ST6GALNAC5: variants seen among roughly 807,000 people sequenced by gnomAD.
ST6GALNAC5 encodes ST6 N-acetylgalactosaminide alpha-2,6-sialyltransferase 5.
Under a neutral mutation model 33.6 loss-of-function variants are expected in ST6GALNAC5, and 27 were observed. The observed-to-expected ratio is 0.80, with a 90% CI of 0.59 to 1.11. The LOEUF is 1.11. ST6GALNAC5 is among the 50% of genes least tolerant of loss of function. ST6GALNAC5 has a pLI of 0.00. For synonymous variants in ST6GALNAC5, 194 were observed against 171.2 expected (o/e 1.13, Z -1.04); for missense variants, 428 against 454.0 (o/e 0.94, Z 0.52).
rs144889712 is a variant in ST6GALNAC5 at position 76,905,954 on chromosome 1, G to A, written c.261+37212G>A. The stretch of plus-strand genomic sequence containing the variant: ...AAGATGGAGAAAGGTGCCTTCTATC[G>A]TGCTGTTGCTGAATTCCCTGCTCCA... On this transcript the variant is annotated intron_variant, in intron 2 of 4. Transcript: ENST00000477717. Among the ~76,000 whole-genome samples, 321 of 152,256 alleles carry A rather than the reference G, an allele frequency of 2.1e-3. 3 individuals are homozygous for A. Among genetic ancestry groups the A allele is most frequent in the Admixed American group, 5.4e-3 (82 of 15,288 alleles).
At chr1:77,043,533 C>T (rs1651901645) in intron 2 of ST6GALNAC5, among the ~76,000 whole-genome samples, 1 of 152,154 alleles carries the variant, frequency 6.6e-6, no homozygotes. Context: ...AGTTTCTCTC[C>T]CTCATCCGTT....
In ST6GALNAC5 at chr1:76,971,508, T is replaced by C. The variant is rs181770567; in HGVS notation, c.262-72696T>C. 3.0e-3 allele frequency among the ~76,000 whole-genome samples: 450 copies of C among 152,358 alleles called. 2 individuals are homozygous for C. The highest frequency in any genetic ancestry group is 9.8e-3 in the African/African-American group (407 of 41,586). ...TTTTCTATATTTATTAAGATGATTATATCACATGATTTTTCTCTTTTAATG... is the reference window on the plus strand; with the variant it reads ...TTTTCTATATTTATTAAGATGATTACATCACATGATTTTTCTCTTTTAATG... On this transcript the variant is annotated intron_variant, in intron 2 of 4. Coordinates refer to ENST00000477717, the MANE Select transcript of ST6GALNAC5 (RefSeq NM_030965.3).
At chr1:76,963,275 A>G (rs954549588) in intron 2 of ST6GALNAC5, among the ~76,000 whole-genome samples, 4 of 152,192 alleles carry the variant, frequency 2.6e-5, no homozygotes, top group African/African-American at 9.6e-5. Flanking sequence ...ATTTAACATG[A>G]CCAGCCCACG....
At chr1:77,008,608 C>A (rs1056644380) in intron 2 of ST6GALNAC5, among the ~76,000 whole-genome samples, 1 of 152,152 alleles carries the variant, frequency 6.6e-6, no homozygotes, top group Non-Finnish European at 1.5e-5. Context: ...CGGCTCACTG[C>A]AGCCTCTGCC....
intron 3 of ST6GALNAC5, 123 bp from the exon 4 acceptor site, chr1:77,050,134 CA>C (rs1417013544): frequency 1.4e-6 from 1 of 711,182 alleles, no homozygotes. Context: ...AGATATTTAC[CA>C]AATGGAGGAG....
At chr1:76,972,806 A>G (rs772527553) in intron 2 of ST6GALNAC5, among the ~76,000 whole-genome samples, 3 of 152,090 alleles carry the variant, frequency 2.0e-5, no homozygotes, top group Non-Finnish European at 2.9e-5. Flanking sequence ...GAGTCTGCTT[A>G]TTTTTACCTA....
chr1:76,948,778 A>G lies in ST6GALNAC5; in HGVS notation c.261+80036A>G, dbSNP rs548358267. On this transcript the variant is annotated intron_variant, in intron 2 of 4. Coordinates refer to ENST00000477717, the MANE Select transcript of ST6GALNAC5 (RefSeq NM_030965.3). ...TATCTGATTTCTTTACTCCAAAAAGATATCAAGAACCTTAAGCTTTCTTTC... is the reference window on the plus strand; with the variant it reads ...TATCTGATTTCTTTACTCCAAAAAGGTATCAAGAACCTTAAGCTTTCTTTC... Among the ~76,000 whole-genome samples, 12 of 152,276 alleles carry G rather than the reference A, an allele frequency of 7.9e-5. 1 individual carries two copies. In the South Asian group the frequency reaches 2.1e-3, roughly 26 times the overall value.
At chr1:76,919,793 A>C (rs1302686818) in intron 2 of ST6GALNAC5, among the ~76,000 whole-genome samples, 2 of 152,158 alleles carry the variant, frequency 1.3e-5, no homozygotes, top group Admixed American at 6.5e-5. Context: ...GGCAAATCAG[A>C]ATTCCTTTGC....
At position 77,050,276 on chromosome 1, in the gene ST6GALNAC5, G is replaced by A; in HGVS notation, c.690G>A (p.Trp230Ter). 6.2e-7 allele frequency: 1 copy of A among 1,613,972 alleles called. No individual in the cohort carries two copies. The highest frequency in any genetic ancestry group is 2.2e-5 in the East Asian group (1 of 44,874). The change falls in exon 4 of 5, where the codon TGG becomes TGA. Residue 230 changes from tryptophan to a stop codon, truncating the protein, a stop_gained. Coordinates refer to ENST00000477717, the MANE Select transcript of ST6GALNAC5 (RefSeq NM_030965.3). LOFTEE classifies it high-confidence loss of function. The stretch of plus-strand genomic sequence containing the variant: ...CTTCCAGGAAGATATCCAACACTTG[G>A]CTCAGCACTGGCTGGTTTACAATGA... ...TGKDRKISNT[W>*]LSTGWFTMTI...
intron 2 of ST6GALNAC5, among the ~76,000 whole-genome samples, chr1:76,986,317 A>T (rs571639189): frequency 6.6e-6 from 1 of 152,358 alleles, no homozygotes; most frequent in South Asian, 2.1e-4. Flanking sequence ...CAAATTTACA[A>T]GAAGAAAACA....
intron 4 of ST6GALNAC5, 100 bp downstream of exon 4, chr1:77,050,465 C>A: frequency 1.8e-6 from 2 of 1,105,832 alleles, no homozygotes; most frequent in Non-Finnish European, 2.7e-6. Flanking sequence ...TAACTGTCTT[C>A]TTGAAGCAAT....
intron 2 of ST6GALNAC5, among the ~76,000 whole-genome samples, chr1:76,950,723 A>G (rs1480896110): frequency 1.3e-5 from 2 of 152,140 alleles, no homozygotes; most frequent in Non-Finnish European, 2.9e-5. Context: ...AGACAAGGGT[A>G]GAGGTAACTG....
At chr1:76,905,285 G>C (rs1018832801) in intron 2 of ST6GALNAC5, among the ~76,000 whole-genome samples, 1 of 152,088 alleles carries the variant, frequency 6.6e-6, no homozygotes, top group African/African-American at 2.4e-5. Context: ...ATTATTTCCT[G>C]GGCATGGAAA....
intron 2 of ST6GALNAC5, among the ~76,000 whole-genome samples, chr1:76,884,941 G>A (rs775552123): frequency 2.5e-4 from 38 of 152,136 alleles, no homozygotes; most frequent in Non-Finnish European, 5.1e-4. Context: ...CCTCTATGAT[G>A]AGCAAGATCA....
chr1:76,881,846 A>G lies in ST6GALNAC5; in HGVS notation c.261+13104A>G, dbSNP rs373679110. 8.5e-5 allele frequency among the ~76,000 whole-genome samples: 13 copies of G among 152,344 alleles called. No individual in the cohort carries two copies. In the East Asian group the frequency reaches 1.3e-3, roughly 16 times the overall value. The stretch of plus-strand genomic sequence containing the variant: ...TAATCAGATCTCTTAAAGCATACTC[A>G]GGATTTCAGAGCTAGAAGGAAAACT... On this transcript the variant is annotated intron_variant, in intron 2 of 4. Transcript: ENST00000477717.
At chr1:77,000,961 C>A (rs970025918) in intron 2 of ST6GALNAC5, among the ~76,000 whole-genome samples, 40 of 151,316 alleles carry the variant, frequency 2.6e-4, no homozygotes, top group African/African-American at 7.7e-4. Flanking sequence ...CTTAGGATTG[C>A]CTTGGCGATG....
chr1:76,900,081 C>T (rs538437193), intron 2 of ST6GALNAC5, among the ~76,000 whole-genome samples: 13 of 151,890 alleles, frequency 8.6e-5, no homozygotes, highest in South Asian at 2.1e-4. Context: ...AGAGAGTCAG[C>T]GAAGGGAGAT....
At chr1:76,903,336 T>A (rs1340183428) in intron 2 of ST6GALNAC5, among the ~76,000 whole-genome samples, 1 of 152,022 alleles carries the variant, frequency 6.6e-6, no homozygotes, top group African/African-American at 2.4e-5. Context: ...CACAAGGAAA[T>A]AACTCTTCAC....
chr1:76,886,702 T>C (rs1228734165), intron 2 of ST6GALNAC5, among the ~76,000 whole-genome samples: 1 of 152,004 alleles, frequency 6.6e-6, no homozygotes, highest in Non-Finnish European at 1.5e-5. Context: ...TAATAACTCC[T>C]TATTCTCCTC....
Sources: allele counts gnomAD v4.1 joint callset (sites outside exome capture counted in the v4.1 genomes callset), GRCh38; gene constraint gnomAD v4.1.1; transcripts MANE v1.5; gene names NCBI Gene and HGNC (gene_info 2026-07-23, HGNC 2026-07-21).